WSCD2: variants seen among roughly 807,000 people sequenced by gnomAD.
The protein encoded by WSCD2 is sialate:O-sulfotransferase 2.
WSCD2 carries 28 observed loss-of-function variants against 55.7 expected under a neutral mutation model. The ratio of observed to expected loss-of-function variants is 0.50; its 90% CI spans 0.37 to 0.69. The LOEUF is 0.69. WSCD2 is among the 30% of genes least tolerant of loss of function. WSCD2 has a pLI of 0.00. For synonymous variants in WSCD2, 301 were observed against 301.9 expected (o/e 1.00, Z 0.03); for missense variants, 616 against 762.1 (o/e 0.81, Z 2.26).
intron 1 of WSCD2, among the ~76,000 whole-genome samples, chr12:108,187,678 A>G (rs922937115): frequency 6.6e-6 from 1 of 152,238 alleles, no homozygotes; most frequent in Admixed American, 6.5e-5. Context: ...ACTAGCTCAC[A>G]TTATTATTAG....
rs142336112 is a variant in WSCD2, at chr12:108,130,765, G to A, written c.-552+839G>A. Among the ~76,000 whole-genome samples, 60 of 152,202 alleles carry A rather than the reference G, an allele frequency of 3.9e-4. No individual in the cohort carries two copies. In the East Asian group the frequency reaches 0.01, roughly 26 times the overall value. On this transcript the variant is annotated intron_variant, in intron 1 of 8. Coordinates refer to ENST00000547525, the MANE Select transcript of WSCD2 (RefSeq NM_014653.4). ...ACCATTCCTATTGGAGCCTGGGGAG[G>A]TGCAAACTTTTTGCAGAAAAGGGGC...
intron 1 of WSCD2, among the ~76,000 whole-genome samples, chr12:108,149,354 A>G (rs1442057163): frequency 6.6e-6 from 1 of 152,252 alleles, no homozygotes; most frequent in African/African-American, 2.4e-5. Context: ...ATGGAAGCCA[A>G]TCACAACACT....
Position 108,249,770 on chromosome 12 carries a change from A to C in WSCD2, c.*1427A>C, listed in dbSNP as rs553637161. On this transcript the variant is annotated 3_prime_UTR_variant, in exon 9 of 9. Transcript: ENST00000547525. ...TTTGTAAGAGGAATATGATTAATAC[A>C]TTCCGCCCCTTGGAACCTGGCCATG... 1 of 152,762 alleles carries C rather than the reference A, an allele frequency of 6.5e-6. No individual in the cohort carries two copies. Among genetic ancestry groups the C allele is most frequent in the South Asian group, 2.1e-4 (1 of 4,826 alleles). The allele number at this position is 152,762 out of a possible 1,614,324, so 9.5% of individuals were successfully genotyped here.
intron 2 of WSCD2, chr12:108,196,812 T>C (rs1883984686): frequency 6.6e-6 from 1 of 152,512 alleles, no homozygotes; most frequent in African/African-American, 2.4e-5. Context: ...CAGCCATTTA[T>C]AATCTAAAAA....
intron 1 of WSCD2, among the ~76,000 whole-genome samples, chr12:108,173,810 C>CTCTCTCTG (rs376999073): frequency 9.7e-4 from 127 of 131,234 alleles, no homozygotes; most frequent in Middle Eastern, 3.8e-3. Context: ...TCCTGGCTCT[C>CTCTCTCTG]TGTGTGTGTG....
In WSCD2 at chr12:108,135,898, G is replaced by A. The variant is rs1224220116; in HGVS notation, c.-552+5972G>A. ...CTATGGCTGCTGTCAAGCTACAACA[G>A]GAATGTTGAGTATTTGTGACAGAGA... On this transcript the variant is annotated intron_variant, in intron 1 of 8. Transcript: ENST00000547525. 3.3e-5 allele frequency among the ~76,000 whole-genome samples: 5 copies of A among 152,194 alleles called. No individual in the cohort carries two copies. In the East Asian group the frequency reaches 9.6e-4, roughly 29 times the overall value.
intron 5 of WSCD2, 63 bp from the exon 6 acceptor site, chr12:108,226,927 G>A: frequency 5.2e-6 from 8 of 1,528,656 alleles, no homozygotes; most frequent in Non-Finnish European, 7.0e-6. Flanking sequence ...TCTCCATTTG[G>A]AGTCTGAAGC....
intron 1 of WSCD2, among the ~76,000 whole-genome samples, chr12:108,131,377 C>A (rs1277737642): frequency 6.6e-6 from 1 of 152,172 alleles, no homozygotes; most frequent in Non-Finnish European, 1.5e-5. Flanking sequence ...TTTTTGTAAT[C>A]CCAGGAGGGG....
Position 108,248,570 on chromosome 12 carries a change from G to A in WSCD2, c.*227G>A, listed in dbSNP as rs962717983. 8 of 1,352,254 alleles carry A rather than the reference G, an allele frequency of 5.9e-6. No individual in the cohort carries two copies. The highest frequency in any genetic ancestry group is 7.6e-6 in the Non-Finnish European group (8 of 1,051,250). 83.8% of individuals were successfully genotyped at this position (1,352,254 alleles called of 1,614,324 possible). The stretch of plus-strand genomic sequence containing the variant: ...CATGTTCCCCCCTTGGCAATGTGGG[G>A]CATCTTGTTTAGGGGGTTCTAGTTA... On this transcript the variant is annotated 3_prime_UTR_variant, in exon 9 of 9. Coordinates refer to ENST00000547525, the MANE Select transcript of WSCD2 (RefSeq NM_014653.4). The surrounding 1 kb of genome is among the most constrained non-coding windows in gnomAD (Gnocchi z 4.3).
chr12:108,240,188 A>C (rs1005154921), intron 7 of WSCD2, among the ~76,000 whole-genome samples, 156 bp from the exon 8 acceptor site: 3 of 152,224 alleles, frequency 2.0e-5, no homozygotes, highest in Non-Finnish European at 4.4e-5. Context: ...CCGGGGTCCT[A>C]GCACAGTGCC....
At chr12:108,145,757 G>A (rs1658963252) in intron 1 of WSCD2, among the ~76,000 whole-genome samples, 1 of 152,148 alleles carries the variant, frequency 6.6e-6, no homozygotes, top group Non-Finnish European at 1.5e-5. Flanking sequence ...GTAAAATAAG[G>A]TTTAGACATA....
At chr12:108,246,963 C>T (rs1255804726) in intron 8 of WSCD2, among the ~76,000 whole-genome samples, 1 of 152,150 alleles carries the variant, frequency 6.6e-6, no homozygotes, top group Non-Finnish European at 1.5e-5. Context: ...ATAACGATAG[C>T]CAACATTGAT....
rs1883828000 is a variant in WSCD2 at position 108,195,745 on chromosome 12, T to C, written c.-88T>C. 4.0e-6 allele frequency: 6 copies of C among 1,508,262 alleles called. No homozygotes were observed. The South Asian group carries it at 8.1e-5, about 20-fold the overall frequency. The allele number at this position is 1,508,262 out of a possible 1,614,324, so 93.4% of individuals were successfully genotyped here. On this transcript the variant is annotated 5_prime_UTR_variant, in exon 2 of 9. It removes the in-frame stop codon of an upstream open reading frame in the 5' UTR. Transcript: ENST00000547525. ...TGAGGACCCCCAAGTGTTCCATCCC[T>C]AAGGAAAGCTTGGGAAACCAAGCCC...
chr12:108,177,835 A>T (rs1440376797), intron 1 of WSCD2, among the ~76,000 whole-genome samples: 1 of 152,030 alleles, frequency 6.6e-6, no homozygotes, highest in Non-Finnish European at 1.5e-5. Context: ...GCCCCTGGGG[A>T]GGGTGATTCG....
intron 1 of WSCD2, among the ~76,000 whole-genome samples, chr12:108,146,106 T>C (rs1877364572): frequency 6.6e-6 from 1 of 152,262 alleles, no homozygotes; most frequent in Non-Finnish European, 1.5e-5. Flanking sequence ...ACATGGGGTG[T>C]GCATTCATTG....
intron 1 of WSCD2, among the ~76,000 whole-genome samples, chr12:108,153,273 A>G (rs1327846891): frequency 6.6e-6 from 1 of 152,240 alleles, no homozygotes; most frequent in African/African-American, 2.4e-5. Context: ...CACTGGCTCA[A>G]TGTTAGTGAT....
At chr12:108,192,263 A>C (rs1016929892) in intron 1 of WSCD2, among the ~76,000 whole-genome samples, 3 of 152,180 alleles carry the variant, frequency 2.0e-5, no homozygotes, top group African/African-American at 7.2e-5. Flanking sequence ...CATACTTTTT[A>C]GGGGAGAAGT....
chr12:108,141,380 T>G (rs1385893876), intron 1 of WSCD2, among the ~76,000 whole-genome samples: 1 of 152,190 alleles, frequency 6.6e-6, no homozygotes, highest in Non-Finnish European at 1.5e-5. Context: ...GGACTACAGA[T>G]GGCCACCACC....
intron 1 of WSCD2, among the ~76,000 whole-genome samples, chr12:108,192,180 G>T (rs1476900216): frequency 6.6e-6 from 1 of 152,218 alleles, no homozygotes; most frequent in Non-Finnish European, 1.5e-5. Context: ...AGGGGCGGAG[G>T]TGGGGCTTAT....
Sources: gnomAD v4.1 joint callset for allele counts (sites outside exome capture counted in the v4.1 genomes callset) on GRCh38, gnomAD v4.1.1 for gene constraint, Gnocchi (gnomAD v3.1) non-coding constraint, MANE v1.5 for transcripts, NCBI Gene and HGNC (gene_info 2026-07-23, HGNC 2026-07-21) for gene names.